RPS6KA2: variants seen among roughly 807,000 people sequenced by gnomAD.
The protein encoded by RPS6KA2 is ribosomal protein S6 kinase A2.
Under a neutral mutation model 91.8 loss-of-function variants are expected in RPS6KA2, and 42 were observed. That is an observed-to-expected ratio of 0.46 (90% CI 0.36 to 0.59). The LOEUF is 0.59. RPS6KA2 is among the 20% of genes least tolerant of loss of function. The pLI is 0.00. For missense variants in RPS6KA2, 798 were observed against 978.5 expected (o/e 0.82, Z 2.46); for synonymous variants, 414 against 393.6 (o/e 1.05, Z -0.61).
At position 166,810,668 on chromosome 6, in the gene RPS6KA2, C is replaced by T. The variant is rs181697974; in HGVS notation, c.123+47532G>A. On this transcript the variant is annotated intron_variant, in intron 2 of 21. Coordinates refer to the RPS6KA2 transcript ENST00000503859. ...CGCAGGCCTGTTACCGGGGTTAACC[C>T]GAGTCTAGGTCCGGATAAAAGCCTA... 4.6e-5 allele frequency among the ~76,000 whole-genome samples: 7 copies of T among 152,250 alleles called. No homozygotes were observed. In the East Asian group the frequency reaches 9.7e-4, roughly 21 times the overall value.
At chr6:166,746,758 G>C (rs563418528) in intron 2 of RPS6KA2, among the ~76,000 whole-genome samples, 226 of 152,132 alleles carry the variant, frequency 1.5e-3, no homozygotes, top group Non-Finnish European at 1.8e-3. Flanking sequence ...CTAAATAGGG[G>C]TTCCTATTGA....
At chr6:166,461,574 G>A (rs1477854802) in intron 11 of RPS6KA2, among the ~76,000 whole-genome samples, 8 of 130,378 alleles carry the variant, frequency 6.1e-5, no homozygotes, top group Non-Finnish European at 1.3e-4. Context: ...AGGGGAGGAG[G>A]GGAGAAATGG....
rs953513776 is a variant in RPS6KA2 at position 166,435,578 on chromosome 6, G to A, written c.1333-3088C>T. 3.9e-5 allele frequency among the ~76,000 whole-genome samples: 6 copies of A among 152,246 alleles called. No individual in the cohort carries two copies. The highest frequency in any genetic ancestry group is 1.4e-4 in the African/African-American group (6 of 41,466). ...TTTGGGGAAATGGAGGAAAATGAAA[G>A]AAGCTCCCAGGCTGAGGTCCTGTGG... On this transcript the variant is annotated intron_variant, in intron 14 of 20. Coordinates refer to ENST00000265678, the MANE Select transcript of RPS6KA2 (RefSeq NM_021135.6). The surrounding 1 kb of genome is among the most constrained non-coding windows in gnomAD (Gnocchi z 4.3).
intron 1 of RPS6KA2, among the ~76,000 whole-genome samples, chr6:166,605,586 A>C (rs1262704588): frequency 6.6e-6 from 1 of 152,230 alleles, no homozygotes; most frequent in East Asian, 1.9e-4. Flanking sequence ...AGCATGTAGA[A>C]TGATTAGCAT....
chr6:166,743,445 G>A (rs1022706501), intron 2 of RPS6KA2, among the ~76,000 whole-genome samples: 4 of 152,288 alleles, frequency 2.6e-5, no homozygotes, highest in South Asian at 4.1e-4. Context: ...GCCACATCAC[G>A]GCTTTTAATG....
intron 1 of RPS6KA2, among the ~76,000 whole-genome samples, chr6:166,582,146 C>A (rs111464760): frequency 4.2e-5 from 6 of 144,452 alleles, no homozygotes; most frequent in African/African-American, 1.6e-4. Flanking sequence ...GGTGGGACGC[C>A]CACTGGGCAG....
chr6:166,436,542 CAG>C (rs550328168), intron 14 of RPS6KA2, among the ~76,000 whole-genome samples: 17 of 152,198 alleles, frequency 1.1e-4, no homozygotes, highest in Non-Finnish European at 1.6e-4. Flanking sequence ...TGCGCCCTGA[CAG>C]GGGCTGTGGG....
chr6:166,795,644 A>G (rs1330434269), intron 2 of RPS6KA2, among the ~76,000 whole-genome samples: 3 of 152,190 alleles, frequency 2.0e-5, no homozygotes, highest in Admixed American at 2.0e-4. Flanking sequence ...AAGCTAAGTA[A>G]TGAGGACTGC....
chr6:166,689,313 G>A (rs368227385), intron 2 of RPS6KA2, among the ~76,000 whole-genome samples: 129 of 152,326 alleles, frequency 8.5e-4, no homozygotes, highest in African/African-American at 3.0e-3. Flanking sequence ...CGGGATGAAG[G>A]TAGCATCCCA....
intron 2 of RPS6KA2, among the ~76,000 whole-genome samples, chr6:166,714,442 G>A (rs1019026477): frequency 6.6e-6 from 1 of 152,214 alleles, no homozygotes; most frequent in Non-Finnish European, 1.5e-5. Context: ...AAGATGCGTT[G>A]ATGTCCTAAC....
chr6:166,601,748 T>C (rs1419419300), intron 1 of RPS6KA2, among the ~76,000 whole-genome samples: 1 of 152,136 alleles, frequency 6.6e-6, no homozygotes, highest in Non-Finnish European at 1.5e-5. Flanking sequence ...ACACAAAGAA[T>C]GCAAGTCATT....
intron 10 of RPS6KA2, among the ~76,000 whole-genome samples, chr6:166,479,874 A>C (rs557968176): frequency 6.6e-6 from 1 of 152,300 alleles, no homozygotes; most frequent in East Asian, 1.9e-4. Context: ...CTGTGCTGCA[A>C]TGAGCTATTT....
Position 166,679,836 on chromosome 6 carries a change from C to T in RPS6KA2, c.124-141052G>A, listed in dbSNP as rs181585207. 7.7e-4 allele frequency among the ~76,000 whole-genome samples: 117 copies of T among 152,346 alleles called. 1 individual carries two copies. The highest frequency in any genetic ancestry group is 2.7e-3 in the African/African-American group (113 of 41,582). On this transcript the variant is annotated intron_variant, in intron 2 of 21. Coordinates refer to the RPS6KA2 transcript ENST00000503859. ...CGGGTTCCAGGTGAGCGCGGCTCGG[C>T]AAGCCCCGCACTCAGCGCGGTTGGC...
chr6:166,758,321 CT>C (rs1562422606), intron 2 of RPS6KA2, among the ~76,000 whole-genome samples: 1 of 152,232 alleles, frequency 6.6e-6, no homozygotes, highest in East Asian at 1.9e-4. Context: ...CATGCACGTT[CT>C]CTCTACAAGC....
chr6:166,625,710 C>T (rs554975991), intron 1 of RPS6KA2, among the ~76,000 whole-genome samples: 52 of 152,242 alleles, frequency 3.4e-4, no homozygotes, highest in Non-Finnish European at 5.3e-4. Context: ...CACTGGTGTG[C>T]TTCATTTCTT....
intron 11 of RPS6KA2, chr6:166,460,533 A>G (rs1190468775): frequency 3.3e-5 from 5 of 152,416 alleles, no homozygotes; most frequent in Non-Finnish European, 7.3e-5. Context: ...GCCTGACTGG[A>G]AGGCCGAGGG....
chr6:166,626,078 C>A lies in RPS6KA2; in HGVS notation c.99+843G>T, dbSNP rs1393160431. ...ACAGTGTCAGGCGAAATCTTTGGGT[C>A]CCAGCCTCAGTCTCCCCATCACCAT... On this transcript the variant is annotated intron_variant, in intron 1 of 20. Coordinates refer to ENST00000265678, the MANE Select transcript of RPS6KA2 (RefSeq NM_021135.6). This position sits in a 1 kb window ranked among gnomAD's most constrained non-coding sequence, Gnocchi z 4.1. Among the ~76,000 whole-genome samples, 2 of 152,204 alleles carry A rather than the reference C, an allele frequency of 1.3e-5. No homozygotes were observed. The highest frequency in any genetic ancestry group is 4.8e-5 in the African/African-American group (2 of 41,444).
intron 1 of RPS6KA2, among the ~76,000 whole-genome samples, chr6:166,540,034 C>CT (rs1211679734): frequency 2.0e-5 from 3 of 152,202 alleles, no homozygotes; most frequent in Non-Finnish European, 4.4e-5. Context: ...CTCATTGCTT[C>CT]TTTTCATGAA....
rs116597595 is a variant in RPS6KA2, at chr6:166,435,470, A to T, written c.1333-2980T>A. ...TCAACATATTAGTTACGCCTTTCAA[A>T]ATCATGTAATTGCTTGGTGGAACCC... On this transcript the variant is annotated intron_variant, in intron 14 of 20. Transcript: ENST00000265678. The surrounding 1 kb of genome is among the most constrained non-coding windows in gnomAD (Gnocchi z 4.3). 4.6e-3 allele frequency among the ~76,000 whole-genome samples: 694 copies of T among 152,296 alleles called. 9 individuals carry two copies. The highest frequency in any genetic ancestry group is 0.016 in the African/African-American group (670 of 41,548).
Sources: allele counts gnomAD v4.1 joint callset (sites outside exome capture counted in the v4.1 genomes callset), GRCh38; gene constraint gnomAD v4.1.1; non-coding constraint Gnocchi (gnomAD v3.1); transcripts MANE v1.5; gene names NCBI Gene and HGNC (gene_info 2026-07-23, HGNC 2026-07-21).